The following HFM1 variants were observed in gnomAD, a reference collection of about 807,000 sequenced individuals.
HFM1 encodes probable ATP-dependent DNA helicase HFM1.
Under a neutral mutation model 192.1 loss-of-function variants are expected in HFM1, and 169 were observed. That is an observed-to-expected ratio of 0.88 (90% confidence interval 0.78 to 1.00). The LOEUF (loss-of-function observed/expected upper bound fraction) is 1.00, where lower values mean the gene tolerates loss of function less well. HFM1 is among the 50% of genes least tolerant of loss of function. The probability of loss-of-function intolerance (pLI) is 0.00; values close to 1 mark genes in which losing one functional copy is unlikely to be tolerated. For missense variants in HFM1, 1,661 were observed against 1,668.0 expected (o/e 1.00, Z 0.07); for synonymous variants, 525 against 537.8 (o/e 0.98, Z 0.33).
chr1:91,278,483 T>C (rs1168843890), intron 30 of HFM1, among the ~76,000 whole-genome samples: 1 of 152,268 alleles, frequency 6.6e-6, no homozygotes, highest in South Asian at 2.1e-4. Flanking sequence ...AATCACCGAT[T>C]GTAAGAGCTG....
intron 13 of HFM1, among the ~76,000 whole-genome samples, chr1:91,361,929 T>C (rs1003614264): frequency 6.6e-6 from 1 of 152,040 alleles, no homozygotes; most frequent in South Asian, 2.1e-4. Flanking sequence ...ATGCATCACA[T>C]AAACAGAATG....
At chr1:91,396,005 C>T (rs775846947) in intron 3 of HFM1, among the ~76,000 whole-genome samples, 14 of 152,098 alleles carry the variant, frequency 9.2e-5, no homozygotes, top group Non-Finnish European at 1.6e-4. Flanking sequence ...TACACCACCA[C>T]GCCTAGCTAG....
At chr1:91,395,526 G>C (rs1052483998) in intron 3 of HFM1, among the ~76,000 whole-genome samples, 1 of 152,038 alleles carries the variant, frequency 6.6e-6, no homozygotes, top group Non-Finnish European at 1.5e-5. Context: ...TTTAGAGATA[G>C]GGTCCCACTA....
chr1:91,371,964 G>A (rs1464783644), intron 13 of HFM1, among the ~76,000 whole-genome samples: 1 of 152,190 alleles, frequency 6.6e-6, no homozygotes, highest in African/African-American at 2.4e-5. Flanking sequence ...AGACATTTAT[G>A]CAGCCAACAG....
intron 30 of HFM1, among the ~76,000 whole-genome samples, chr1:91,295,080 C>A (rs1570830678): frequency 6.6e-6 from 1 of 152,106 alleles, no homozygotes; most frequent in Non-Finnish European, 1.5e-5. Context: ...AATGATACAG[C>A]AATATCTCAT....
chr1:91,343,585 T>C, intron 19 of HFM1, 75 bp from the exon 20 acceptor site: 1 of 603,196 alleles, frequency 1.7e-6, no homozygotes. Flanking sequence ...TTATTAAATA[T>C]GCTAAAGTTG....
intron 30 of HFM1, among the ~76,000 whole-genome samples, chr1:91,292,603 A>G (rs1668903669): frequency 6.6e-6 from 1 of 152,134 alleles, no homozygotes; most frequent in African/African-American, 2.4e-5. Flanking sequence ...GGAAGAATCA[A>G]TATCATGAAA....
intron 36 of HFM1, among the ~76,000 whole-genome samples, chr1:91,264,758 T>A (rs1311187797): frequency 6.6e-6 from 1 of 152,126 alleles, no homozygotes; most frequent in Non-Finnish European, 1.5e-5. Flanking sequence ...TTTTGAAAAT[T>A]TTGGCTTTGG....
At chr1:91,377,137 CA>C (rs954616038) in intron 11 of HFM1, among the ~76,000 whole-genome samples, 64 of 151,170 alleles carry the variant, frequency 4.2e-4, no homozygotes, top group African/African-American at 1.5e-3. Context: ...TACATGCTTA[CA>C]AAAAAAAGTA....
intron 32 of HFM1, among the ~76,000 whole-genome samples, chr1:91,275,368 C>T (rs1666713939): frequency 6.6e-6 from 1 of 152,166 alleles, no homozygotes; most frequent in South Asian, 2.1e-4. Context: ...ATTCCTGTGG[C>T]TTCAATTGTC....
chr1:91,264,590 G>C (rs1278257992), intron 36 of HFM1, among the ~76,000 whole-genome samples: 1 of 150,588 alleles, frequency 6.6e-6, no homozygotes, highest in Non-Finnish European at 1.5e-5. Flanking sequence ...AGCCAGGATG[G>C]TCTCGATCTC....
At chr1:91,292,708 A>C (rs2100948915) in intron 30 of HFM1, among the ~76,000 whole-genome samples, 1 of 152,256 alleles carries the variant, frequency 6.6e-6, no homozygotes. Flanking sequence ...ACTACTTTAA[A>C]GTTCATATGG....
In HFM1 at chr1:91,396,354, C is replaced by G. The variant is rs1423785839; in HGVS notation, c.123G>C (p.Leu41Phe). ...CCTGAGTATCTGGAATTTCTGAAATCAATGGAGCAGGAGGGAGAAACCAAT... is the reference window on the plus strand; with the variant it reads ...CCTGAGTATCTGGAATTTCTGAAATGAATGGAGCAGGAGGGAGAAACCAAT... Reference protein sequence around the residue: ...SLDWFLPPAPLISEIPDTQEL... With the variant: ...SLDWFLPPAPFISEIPDTQEL... The change falls in exon 3 of 39, where the codon TTG becomes TTC. Residue 41 changes from leucine (L) to phenylalanine (F), a missense_variant. Coordinates refer to ENST00000370425, the MANE Select transcript of HFM1 (RefSeq NM_001017975.6). The G allele has an allele frequency of 1.2e-6, 2 of 1,605,716 alleles. No individual in the cohort carries two copies. Among genetic ancestry groups the G allele is most frequent in the Middle Eastern group, 2.0e-4 (1 of 4,890 alleles).
chr1:91,286,019 C>T (rs943944054), intron 30 of HFM1, among the ~76,000 whole-genome samples: 1 of 152,140 alleles, frequency 6.6e-6, no homozygotes, highest in African/African-American at 2.4e-5. Flanking sequence ...ACAAGAGTAG[C>T]AATGCTGGCA....
chr1:91,264,361 A>ATTTTTTTTTTTT lies in HFM1; in HGVS notation c.3974+1644_3974+1655dup, dbSNP rs71087940. Reference sequence around the variant, plus strand: ...TTCCAAGGGATACCACAAATTTAGTATTTTTTTTTTTTTTTTTTTTTTTTT... The same window carrying ATTTTTTTTTTTT: ...TTCCAAGGGATACCACAAATTTAGTATTTTTTTTTTTTTTTTTTTTTTTTTTTTTTTTTTTTT... On this transcript the variant is annotated intron_variant, in intron 36 of 38. Coordinates refer to ENST00000370425, the MANE Select transcript of HFM1 (RefSeq NM_001017975.6). Among the ~76,000 whole-genome samples, 83 of 57,090 alleles carry ATTTTTTTTTTTT rather than the reference A, an allele frequency of 1.5e-3. 16 individuals are homozygous for ATTTTTTTTTTTT. Among genetic ancestry groups the ATTTTTTTTTTTT allele is most frequent in the African/African-American group, 4.4e-3 (56 of 12,668 alleles). 37.5% of individuals were successfully genotyped at this position (57,090 alleles called of 152,430 possible). A position where few individuals can be genotyped will look rare whatever the true frequency, so the allele number is the denominator to read the frequency against.
chr1:91,379,022 C>A, intron 9 of HFM1, 41 bp downstream of exon 9: 1 of 1,277,862 alleles, frequency 7.8e-7, no homozygotes, highest in Non-Finnish European at 1.1e-6. Flanking sequence ...TAGGTATTTT[C>A]TAACAAACTA....
At chr1:91,404,429 C>A (rs1312577676) in intron 1 of HFM1, among the ~76,000 whole-genome samples, 7 of 152,232 alleles carry the variant, frequency 4.6e-5, no homozygotes, top group Non-Finnish European at 1.0e-4. Flanking sequence ...ACGTCCCCCC[C>A]AGCGCTCGCT....
intron 20 of HFM1, chr1:91,329,424 C>A (rs993827381): frequency 1.3e-6 from 2 of 1,571,000 alleles, no homozygotes; most frequent in Non-Finnish European, 1.7e-6. Context: ...GACTGGCTCA[C>A]TCTCTTCAGC....
rs1557881046 is a variant in HFM1 at position 91,343,413 on chromosome 1, CAA to C, written c.2335+15_2335+16del. On this transcript the variant is annotated intron_variant, in intron 20 of 38. Coordinates refer to ENST00000370425, the MANE Select transcript of HFM1 (RefSeq NM_001017975.6). Reference sequence around the variant, plus strand: ...AGTAAACAATTGCTAAATTTACTGACAATGATAAGAAATTACCAGTTGGTTTG... The same window carrying C: ...AGTAAACAATTGCTAAATTTACTGACTGATAAGAAATTACCAGTTGGTTTG... 1 of 1,218,288 alleles carries C rather than the reference CAA, an allele frequency of 8.2e-7. No homozygotes were observed. Among genetic ancestry groups the C allele is most frequent in the Admixed American group, 2.1e-5 (1 of 46,958 alleles). The allele number at this position is 1,218,288 out of a possible 1,614,324, so 75.5% of individuals were successfully genotyped here.
Sources: gnomAD v4.1 joint callset for allele counts (sites outside exome capture counted in the v4.1 genomes callset) on GRCh38, gnomAD v4.1.1 for gene constraint, MANE v1.5 for transcripts, NCBI Gene and HGNC (gene_info 2026-07-23, HGNC 2026-07-21) for gene names.